The following RBKS variants were observed in gnomAD, a reference collection of about 807,000 sequenced individuals.
RBKS encodes ribokinase.
Under a neutral mutation model 33.9 loss-of-function variants are expected in RBKS, and 33 were observed. That is an observed-to-expected ratio of 0.97 (90% confidence interval 0.74 to 1.30). The LOEUF is 1.30. Ranked by LOEUF, RBKS falls within the 50% of genes most tolerant of loss-of-function variation. The probability of loss-of-function intolerance (pLI) is 0.00; values close to 1 mark genes in which losing one functional copy is unlikely to be tolerated. For missense variants in RBKS, 361 were observed against 392.6 expected (o/e 0.92, Z 0.68); for synonymous variants, 125 against 143.0 (o/e 0.87, Z 0.90).
chr2:27,833,903 C>T (rs1051035839), intron 5 of RBKS, among the ~76,000 whole-genome samples: 3 of 152,168 alleles, frequency 2.0e-5, no homozygotes, highest in African/African-American at 7.2e-5. Context: ...TCTCATTTGA[C>T]TATAGACCCA....
rs1455047812 is a variant in RBKS at position 27,837,168 on chromosome 2, G to A, written c.515-4391C>T. Among the ~76,000 whole-genome samples, 2 of 152,046 alleles carry A rather than the reference G, an allele frequency of 1.3e-5. No homozygotes were observed. The highest frequency in any genetic ancestry group is 2.9e-5 in the Non-Finnish European group (2 of 68,034). ...AGGTGCCTGTAGTCCCAGCTACTCG[G>A]GAGGCTGAGGCAGGAGAATGGCGTG... On this transcript the variant is annotated intron_variant, in intron 5 of 7. Coordinates refer to ENST00000302188, the MANE Select transcript of RBKS (RefSeq NM_022128.3). This position sits in a 1 kb window ranked among gnomAD's most constrained non-coding sequence, Gnocchi z 4.0.
chr2:27,830,253 T>G (rs1297469296), intron 6 of RBKS, among the ~76,000 whole-genome samples: 1 of 152,200 alleles, frequency 6.6e-6, no homozygotes, highest in African/African-American at 2.4e-5. Flanking sequence ...AGAGTTCATC[T>G]ATAAGAACAT....
intron 7 of RBKS, among the ~76,000 whole-genome samples, chr2:27,788,204 A>G (rs536765908): frequency 1.3e-5 from 2 of 152,300 alleles, no homozygotes; most frequent in Admixed American, 6.5e-5. Flanking sequence ...CACTACTTCT[A>G]CTCAACATTG....
intron 7 of RBKS, among the ~76,000 whole-genome samples, chr2:27,782,952 T>C (rs925340816): frequency 6.6e-6 from 1 of 152,222 alleles, no homozygotes; most frequent in Non-Finnish European, 1.5e-5. Flanking sequence ...GAGATTGGTC[T>C]CTTCCATTTA....
chr2:27,858,572 C>G lies in RBKS; in HGVS notation c.90-1G>C, dbSNP rs140948699. On this transcript the variant is annotated splice_acceptor_variant, in intron 1 of 7. Coordinates refer to ENST00000302188, the MANE Select transcript of RBKS (RefSeq NM_022128.3). LOFTEE classifies it high-confidence loss of function. ...AGTTTTTGGCAAACGAGAAGTAAGACTATTGTAATTTAAAAAGAGAAGAAA... is the reference window on the plus strand; with the variant it reads ...AGTTTTTGGCAAACGAGAAGTAAGAGTATTGTAATTTAAAAAGAGAAGAAA... 8.5e-3 allele frequency: 13,623 copies of G among 1,609,536 alleles called. 86 individuals carry two copies. Among genetic ancestry groups the G allele is most frequent in the Non-Finnish European group, 9.7e-3 (11,386 of 1,178,474 alleles).
At chr2:27,851,157 C>T (rs1019207048) in intron 2 of RBKS, among the ~76,000 whole-genome samples, 2 of 152,198 alleles carry the variant, frequency 1.3e-5, no homozygotes, top group African/African-American at 4.8e-5. Context: ...TTCTATTCTT[C>T]CACAGAAAAT....
intron 7 of RBKS, among the ~76,000 whole-genome samples, chr2:27,788,867 T>C (rs1286746077): frequency 6.6e-6 from 1 of 152,154 alleles, no homozygotes; most frequent in Non-Finnish European, 1.5e-5. Flanking sequence ...GAAAAACAAA[T>C]GGTGAGAGTT....
At chr2:27,812,711 G>A (rs558025490) in intron 7 of RBKS, among the ~76,000 whole-genome samples, 9 of 152,124 alleles carry the variant, frequency 5.9e-5, no homozygotes, top group Non-Finnish European at 1.2e-4. Context: ...CTGTTGTGGG[G>A]TGGGGGAAGC....
Position 27,795,985 on chromosome 2 carries a change from T to C in RBKS, c.796-14197A>G, listed in dbSNP as rs1371358428. 6.6e-6 allele frequency among the ~76,000 whole-genome samples: 1 copy of C among 152,170 alleles called. No individual in the cohort carries two copies. Among genetic ancestry groups the C allele is most frequent in the African/African-American group, 2.4e-5 (1 of 41,430 alleles). On this transcript the variant is annotated intron_variant, in intron 7 of 7. Coordinates refer to ENST00000302188, the MANE Select transcript of RBKS (RefSeq NM_022128.3). This position sits in a 1 kb window ranked among gnomAD's most constrained non-coding sequence, Gnocchi z 4.1. ...GCTTTGAGTTGACCTGACTTATTGG[T>C]CCTGGTTCTATCATGTTCTTCTCTT...
At chr2:27,803,129 C>A (rs1677832213) in intron 7 of RBKS, among the ~76,000 whole-genome samples, 1 of 152,160 alleles carries the variant, frequency 6.6e-6, no homozygotes, top group African/African-American at 2.4e-5. Flanking sequence ...TGTACCTGGC[C>A]AAAATCTGAA....
chr2:27,793,121 A>C (rs1185439013), intron 7 of RBKS, among the ~76,000 whole-genome samples: 1 of 152,256 alleles, frequency 6.6e-6, no homozygotes, highest in Non-Finnish European at 1.5e-5. Flanking sequence ...TTAAGAATCC[A>C]CAAGTCTATA....
chr2:27,867,948 T>A (rs1664133173), intron 1 of RBKS, among the ~76,000 whole-genome samples: 2 of 152,200 alleles, frequency 1.3e-5, no homozygotes. Flanking sequence ...GAACTGCTTT[T>A]AAATTCACTG....
At chr2:27,886,686 C>A (rs1323307359) in intron 1 of RBKS, among the ~76,000 whole-genome samples, 1 of 151,126 alleles carries the variant, frequency 6.6e-6, no homozygotes, top group African/African-American at 2.4e-5. Context: ...CCAGCCTGGG[C>A]AATATAGCGA....
chr2:27,835,715 G>A (rs534540228), intron 5 of RBKS, among the ~76,000 whole-genome samples: 132 of 150,766 alleles, frequency 8.8e-4, no homozygotes, highest in African/African-American at 3.1e-3. Flanking sequence ...GTGAGCCACC[G>A]TGCCCGGCCT....
intron 1 of RBKS, among the ~76,000 whole-genome samples, chr2:27,878,463 C>T (rs1205924895): frequency 1.4e-4 from 21 of 151,846 alleles, no homozygotes; most frequent in African/African-American, 4.6e-4. Flanking sequence ...CAAGTCTTTG[C>T]TATTGTGAAT....
At position 27,858,719 on chromosome 2, in the gene RBKS, CCTTTAGGATGA is replaced by C. The variant is rs1663911197; in HGVS notation, c.90-159_90-149del. ...GCAGAAGCAACGAAGATTATCTCTTCCTTTAGGATGACATTTAGTAGTTTGCATCATTATCA... is the reference window on the plus strand; with the variant it reads ...GCAGAAGCAACGAAGATTATCTCTTCCATTTAGTAGTTTGCATCATTATCA... On this transcript the variant is annotated intron_variant, in intron 1 of 7. Transcript: ENST00000302188. The C allele has an allele frequency of 8.9e-6, 6 of 675,530 alleles. No homozygotes were observed. The South Asian group carries it at 1.2e-4, about 14-fold the overall frequency. 41.8% of individuals were successfully genotyped at this position (675,530 alleles called of 1,614,324 possible).
intron 7 of RBKS, among the ~76,000 whole-genome samples, chr2:27,825,411 G>C (rs1212798973): frequency 6.6e-6 from 1 of 152,182 alleles, no homozygotes; most frequent in African/African-American, 2.4e-5. Context: ...TGACCTAGAA[G>C]GGAAAATTTG....
rs148033528 is a variant in RBKS, at chr2:27,813,685, G to GGA, written c.795+13880_795+13881dup. On this transcript the variant is annotated intron_variant, in intron 7 of 7. Coordinates refer to ENST00000302188, the MANE Select transcript of RBKS (RefSeq NM_022128.3). ...TATATATCTATATATATATATGTAT[G>GGA]GAGAGAGAGAGAGAGCGAATATCTA... 1.0e-4 allele frequency among the ~76,000 whole-genome samples: 15 copies of GGA among 150,606 alleles called. No individual in the cohort carries two copies. In the South Asian group the frequency reaches 1.0e-3, roughly 11 times the overall value.
intron 7 of RBKS, among the ~76,000 whole-genome samples, chr2:27,794,071 T>A (rs1339418751): frequency 6.6e-6 from 1 of 151,898 alleles, no homozygotes; most frequent in African/African-American, 2.4e-5. Context: ...AGGCCAAGGC[T>A]GGCGGATCAC....
Sources: gnomAD v4.1 joint callset for allele counts (sites outside exome capture counted in the v4.1 genomes callset) on GRCh38, gnomAD v4.1.1 for gene constraint, Gnocchi (gnomAD v3.1) non-coding constraint, MANE v1.5 for transcripts, NCBI Gene and HGNC (gene_info 2026-07-23, HGNC 2026-07-21) for gene names.